HCN1: variants seen among roughly 807,000 people sequenced by gnomAD.
The protein encoded by HCN1 is potassium/sodium hyperpolarization-activated cyclic nucleotide-gated channel 1.
Under a neutral mutation model 78.9 loss-of-function variants are expected in HCN1, and 13 were observed. That is an observed-to-expected ratio of 0.16 (90% CI 0.11 to 0.26). The LOEUF is 0.26. HCN1 is among the 10% of genes least tolerant of loss of function. The pLI, the probability that HCN1 is intolerant of heterozygous loss-of-function variation, is 1.00. For missense variants in HCN1, 810 were observed against 1,154.3 expected (o/e 0.70, Z 4.32); for synonymous variants, 552 against 455.5 (o/e 1.21, Z -2.70).
At chr5:45,297,887 T>C (rs1245375055) in intron 6 of HCN1, among the ~76,000 whole-genome samples, 3 of 151,948 alleles carry the variant, frequency 2.0e-5, no homozygotes, top group Non-Finnish European at 4.4e-5. Context: ...TAGAAAAACA[T>C]ACATTTGACA....
intron 5 of HCN1, among the ~76,000 whole-genome samples, chr5:45,324,820 G>A (rs937809510): frequency 8.6e-5 from 13 of 151,554 alleles, no homozygotes; most frequent in Admixed American, 4.6e-4. Context: ...CTGACTACAC[G>A]AAATTTGTGA....
At chr5:45,562,768 GCTTAA>G (rs1345182683) in intron 2 of HCN1, among the ~76,000 whole-genome samples, 101 of 152,194 alleles carry the variant, frequency 6.6e-4, no homozygotes, top group Admixed American at 1.8e-3. Context: ...AAAAAAAATT[GCTTAA>G]CAAATGTACG....
chr5:45,557,298 G>A (rs889254781), intron 2 of HCN1, among the ~76,000 whole-genome samples: 2 of 151,824 alleles, frequency 1.3e-5, no homozygotes, highest in African/African-American at 2.4e-5. Flanking sequence ...AACGGTTCTC[G>A]TCACTGAGCC....
chr5:45,374,707 G>GT (rs1482401087), intron 4 of HCN1, among the ~76,000 whole-genome samples: 1 of 147,966 alleles, frequency 6.8e-6, no homozygotes, highest in African/African-American at 2.5e-5. Flanking sequence ...AAAACTTCAG[G>GT]TAAATATGCT....
At chr5:45,594,701 A>G (rs954922454) in intron 2 of HCN1, among the ~76,000 whole-genome samples, 5 of 152,284 alleles carry the variant, frequency 3.3e-5, no homozygotes, top group East Asian at 1.9e-4. Context: ...TTCTAGTACA[A>G]TATCCAGATT....
intron 6 of HCN1, among the ~76,000 whole-genome samples, chr5:45,281,568 GCTCTT>G (rs1745167327): frequency 2.1e-5 from 3 of 144,030 alleles, no homozygotes; most frequent in Non-Finnish European, 3.0e-5. Context: ...ATATACAAGA[GCTCTT>G]CTCTTCTTTT....
At chr5:45,566,535 C>T (rs918740998) in intron 2 of HCN1, among the ~76,000 whole-genome samples, 1 of 152,026 alleles carries the variant, frequency 6.6e-6, no homozygotes, top group African/African-American at 2.4e-5. Flanking sequence ...CTTTATACAT[C>T]AAAATCCAGA....
At chr5:45,406,789 G>A (rs1330847017) in intron 3 of HCN1, among the ~76,000 whole-genome samples, 4 of 152,100 alleles carry the variant, frequency 2.6e-5, no homozygotes, top group African/African-American at 4.8e-5. Flanking sequence ...AGGACATTTA[G>A]AGAAAAATTA....
At chr5:45,375,209 A>T (rs1351987325) in intron 4 of HCN1, among the ~76,000 whole-genome samples, 1 of 109,780 alleles carries the variant, frequency 9.1e-6, no homozygotes, top group Non-Finnish European at 1.8e-5. Context: ...AATATTTTAT[A>T]ATATATAATA....
chr5:45,681,507 C>T (rs1165182021), intron 1 of HCN1, among the ~76,000 whole-genome samples: 4 of 151,962 alleles, frequency 2.6e-5, no homozygotes, highest in Middle Eastern at 3.4e-3. Context: ...TCACTCAGGA[C>T]GTTTTTCACT....
At chr5:45,404,080 C>T (rs1290240009) in intron 3 of HCN1, among the ~76,000 whole-genome samples, 1 of 152,106 alleles carries the variant, frequency 6.6e-6, no homozygotes, top group Non-Finnish European at 1.5e-5. Context: ...AATCTACTAC[C>T]ATTGAATGAT....
At chr5:45,457,355 G>A (rs1741048750) in intron 3 of HCN1, among the ~76,000 whole-genome samples, 1 of 151,970 alleles carries the variant, frequency 6.6e-6, no homozygotes, top group Non-Finnish European at 1.5e-5. Context: ...TATAATTTTA[G>A]TGTTGTACAC....
At chr5:45,445,821 G>A (rs972316797) in intron 3 of HCN1, among the ~76,000 whole-genome samples, 1 of 152,196 alleles carries the variant, frequency 6.6e-6, no homozygotes, top group Non-Finnish European at 1.5e-5. Flanking sequence ...ACCTGCAGCT[G>A]AGGGTCCTGT....
chr5:45,401,923 C>T (rs1467281255), intron 3 of HCN1, among the ~76,000 whole-genome samples: 1 of 151,942 alleles, frequency 6.6e-6, no homozygotes, highest in Non-Finnish European at 1.5e-5. Context: ...AAAACAAGGA[C>T]CATCTCAATT....
chr5:45,691,215 AG>A (rs550407314), intron 1 of HCN1, among the ~76,000 whole-genome samples: 26 of 150,668 alleles, frequency 1.7e-4, no homozygotes, highest in African/African-American at 6.0e-4. Context: ...ATTATTCAAC[AG>A]GCACGTTCAT....
intron 2 of HCN1, among the ~76,000 whole-genome samples, chr5:45,627,823 G>A (rs898562659): frequency 1.3e-5 from 2 of 152,018 alleles, no homozygotes; most frequent in African/African-American, 4.8e-5. Context: ...TAAGTGGCAG[G>A]GCATTATCCA....
At chr5:45,515,440 A>T (rs1742498784) in intron 2 of HCN1, among the ~76,000 whole-genome samples, 1 of 152,072 alleles carries the variant, frequency 6.6e-6, no homozygotes. Context: ...GATGTCTTAG[A>T]GAAACATGAA....
intron 1 of HCN1, among the ~76,000 whole-genome samples, chr5:45,664,452 T>A (rs1745991250): frequency 6.0e-5 from 8 of 132,868 alleles, no homozygotes; most frequent in Non-Finnish European, 9.6e-5. Flanking sequence ...AAACTTAAAG[T>A]ATAATAATAA....
intron 6 of HCN1, among the ~76,000 whole-genome samples, chr5:45,292,590 C>T (rs1745402888): frequency 6.6e-6 from 1 of 151,902 alleles, no homozygotes; most frequent in African/African-American, 2.4e-5. Flanking sequence ...TGGTATGTTT[C>T]ATTAAGTTTA....
Sources: gnomAD v4.1 joint callset for allele counts (sites outside exome capture counted in the v4.1 genomes callset) on GRCh38, gnomAD v4.1.1 for gene constraint, MANE v1.5 for transcripts, NCBI Gene and HGNC (gene_info 2026-07-23, HGNC 2026-07-21) for gene names.